Variants in HDAC9 observed in about 807,000 individuals in gnomAD.
HDAC9 encodes the protein histone deacetylase 9, also known as MEF-2 interacting transcription repressor (MITR) protein.
In HDAC9, 41 loss-of-function variants were observed where a neutral mutation model predicts 139.4. The observed-to-expected ratio is 0.29, with a 90% CI of 0.23 to 0.38. The LOEUF (loss-of-function observed/expected upper bound fraction) is 0.38, where lower values mean the gene tolerates loss of function less well. Ranked by LOEUF, HDAC9 falls within the 10% of genes least tolerant of loss-of-function variation. HDAC9 has a pLI of 1.00. For synonymous variants in HDAC9, 517 were observed against 476.2 expected (o/e 1.09, Z -1.12); for missense variants, 1,147 against 1,297.0 (o/e 0.88, Z 1.78).
chr7:18,293,955 TAATC>T (rs776165414), intron 1 of HDAC9, among the ~76,000 whole-genome samples: 3 of 152,180 alleles, frequency 2.0e-5, no homozygotes, highest in East Asian at 3.8e-4. Context: ...ATTAACTTAA[TAATC>T]AATTTAAATT....
chr7:18,136,963 A>G (rs2128106356), intron 1 of HDAC9, among the ~76,000 whole-genome samples: 1 of 146,154 alleles, frequency 6.8e-6, no homozygotes, highest in African/African-American at 2.5e-5. Context: ...ATTTGTTTGT[A>G]TCCTCTTTTA....
chr7:18,217,419 TC>T (rs1208041863), intron 2 of HDAC9, among the ~76,000 whole-genome samples: 1 of 152,162 alleles, frequency 6.6e-6, no homozygotes, highest in Non-Finnish European at 1.5e-5. Context: ...TATTATTTTT[TC>T]CTCTTGCTTT....
chr7:18,140,956 C>G (rs1160820595), intron 1 of HDAC9, among the ~76,000 whole-genome samples: 2 of 151,226 alleles, frequency 1.3e-5, no homozygotes, highest in Non-Finnish European at 2.9e-5. Flanking sequence ...ATTTGACTTC[C>G]CATGCCTTCA....
At chr7:18,621,276 T>C (rs925445414) in intron 6 of HDAC9, among the ~76,000 whole-genome samples, 24 of 151,690 alleles carry the variant, frequency 1.6e-4, no homozygotes, top group African/African-American at 5.8e-4. Context: ...TTCAAATAAT[T>C]TTACCTACAT....
At chr7:18,496,915 C>A (rs1563053114) in intron 2 of HDAC9, among the ~76,000 whole-genome samples, 1 of 151,988 alleles carries the variant, frequency 6.6e-6, no homozygotes, top group Non-Finnish European at 1.5e-5. Context: ...TTTTAATTTT[C>A]TTCAAAAACA....
intron 25 of HDAC9, among the ~76,000 whole-genome samples, chr7:18,990,844 A>C (rs1210883488): frequency 6.6e-6 from 1 of 152,242 alleles, no homozygotes; most frequent in Non-Finnish European, 1.5e-5. Context: ...TGACTAGGAA[A>C]GAGAACTCCC....
At chr7:18,389,672 A>G (rs1237895544) in intron 1 of HDAC9, among the ~76,000 whole-genome samples, 1 of 152,194 alleles carries the variant, frequency 6.6e-6, no homozygotes, top group Admixed American at 6.5e-5. Flanking sequence ...GAAGGAATTT[A>G]TGTATGTCAA....
intron 21 of HDAC9, among the ~76,000 whole-genome samples, chr7:18,861,985 C>T (rs960987754): frequency 6.6e-6 from 1 of 152,060 alleles, no homozygotes; most frequent in East Asian, 1.9e-4. Context: ...ATTAGGATTA[C>T]TATTTTGATG....
At chr7:18,871,469 C>A (rs1798909488) in intron 21 of HDAC9, among the ~76,000 whole-genome samples, 1 of 152,092 alleles carries the variant, frequency 6.6e-6, no homozygotes, top group Admixed American at 6.6e-5. Flanking sequence ...ATATACTAAC[C>A]CATGGATACA....
chr7:18,954,832 A>C (rs1218892740), intron 24 of HDAC9, among the ~76,000 whole-genome samples: 1 of 152,096 alleles, frequency 6.6e-6, no homozygotes, highest in East Asian at 1.9e-4. Flanking sequence ...GTCCAGGAGG[A>C]ACAGGAAAAC....
upstream of HDAC9, among the ~76,000 whole-genome samples, chr7:18,286,576 A>T (rs1000638197): frequency 2.0e-5 from 3 of 151,882 alleles, no homozygotes; most frequent in African/African-American, 7.2e-5. Context: ...TTTGGGGGAA[A>T]ATCAGTTTTT....
At chr7:18,513,014 A>C (rs1466320307) in intron 2 of HDAC9, among the ~76,000 whole-genome samples, 3 of 152,238 alleles carry the variant, frequency 2.0e-5, no homozygotes, top group Non-Finnish European at 4.4e-5. Context: ...TGCATCACAA[A>C]TCAATGGAAA....
chr7:18,749,553 C>T lies in HDAC9; in HGVS notation c.2043+415C>T, dbSNP rs184659892. Among the ~76,000 whole-genome samples the T allele has an allele frequency of 2.3e-3, 355 of 152,254 alleles. 1 individual carries two copies. Among genetic ancestry groups the T allele is most frequent in the African/African-American group, 8.5e-3 (352 of 41,560 alleles). On this transcript the variant is annotated intron_variant, in intron 14 of 25. Coordinates refer to ENST00000686413, the MANE Select transcript of HDAC9 (RefSeq NM_178425.4). ...TGAATCAATTTAAAATATCAACTGTCCTCTTACCACTAAAAGTCATTTCTT... is the reference window on the plus strand; with the variant it reads ...TGAATCAATTTAAAATATCAACTGTTCTCTTACCACTAAAAGTCATTTCTT...
At chr7:18,289,011 T>A (rs1188010144), upstream of HDAC9, among the ~76,000 whole-genome samples, 1 of 152,200 alleles carries the variant, frequency 6.6e-6, no homozygotes, top group Non-Finnish European at 1.5e-5. Context: ...CTCTTCTTTT[T>A]CTTCTAGAAC....
intron 2 of HDAC9, among the ~76,000 whole-genome samples, chr7:18,190,032 C>T (rs1297500774): frequency 9.2e-5 from 14 of 152,024 alleles, no homozygotes; most frequent in African/African-American, 2.9e-4. Flanking sequence ...CTCTGCCTCC[C>T]GGGTTCAAGC....
At chr7:18,813,916 T>C (rs1794375891) in intron 17 of HDAC9, among the ~76,000 whole-genome samples, 1 of 152,216 alleles carries the variant, frequency 6.6e-6, no homozygotes, top group Non-Finnish European at 1.5e-5. Flanking sequence ...CCACAGTCCA[T>C]TTCCTTCTAG....
chr7:18,362,563 G>C (rs980270915), intron 1 of HDAC9, among the ~76,000 whole-genome samples: 1 of 152,076 alleles, frequency 6.6e-6, no homozygotes, highest in Non-Finnish European at 1.5e-5. Context: ...AATGTTAAGT[G>C]TACTAGCAGT....
intron 1 of HDAC9, among the ~76,000 whole-genome samples, chr7:18,096,196 A>T (rs555859189): frequency 6.6e-6 from 1 of 152,194 alleles, no homozygotes; most frequent in Non-Finnish European, 1.5e-5. Context: ...CAGAGATAGG[A>T]TGCATGCATT....
At chr7:18,377,839 G>A (rs1045167428) in intron 1 of HDAC9, among the ~76,000 whole-genome samples, 1 of 152,036 alleles carries the variant, frequency 6.6e-6, no homozygotes, top group Non-Finnish European at 1.5e-5. Context: ...ACAAAGATAA[G>A]AATTTTATTT....
Sources: gnomAD v4.1 joint callset for allele counts (sites outside exome capture counted in the v4.1 genomes callset) on GRCh38, gnomAD v4.1.1 for gene constraint, MANE v1.5 for transcripts, NCBI Gene and HGNC (gene_info 2026-07-23, HGNC 2026-07-21) for gene names.